RGS10: variants seen among roughly 807,000 people sequenced by gnomAD.
The protein encoded by RGS10 is regulator of G-protein signalling 10.
In RGS10, 11 loss-of-function variants were observed where a neutral mutation model predicts 23.5. The ratio of observed to expected loss-of-function variants is 0.47; its 90% CI spans 0.29 to 0.77. The LOEUF is 0.77. RGS10 is among the 30% of genes least tolerant of loss of function. The probability of loss-of-function intolerance (pLI) is 0.08; values close to 1 mark genes in which losing one functional copy is unlikely to be tolerated. For synonymous variants in RGS10, 77 were observed against 83.2 expected (o/e 0.92, Z 0.41); for missense variants, 180 against 226.3 (o/e 0.80, Z 1.31).
intron 3 of RGS10, among the ~76,000 whole-genome samples, chr10:119,518,359 G>A (rs1402670155): frequency 6.6e-6 from 1 of 152,176 alleles, no homozygotes; most frequent in African/African-American, 2.4e-5. Context: ...GACTGCCCAG[G>A]AAGCACCTGC....
intron 4 of RGS10, among the ~76,000 whole-genome samples, chr10:119,509,249 G>A (rs770484742): frequency 3.3e-5 from 5 of 151,958 alleles, no homozygotes; most frequent in South Asian, 2.1e-4. Flanking sequence ...AGCTAGGCAC[G>A]GAGAGGGAGC....
At chr10:119,530,967 C>T (rs1844324980) in intron 1 of RGS10, among the ~76,000 whole-genome samples, 1 of 152,200 alleles carries the variant, frequency 6.6e-6, no homozygotes, top group Non-Finnish European at 1.5e-5. Context: ...AAACACATCA[C>T]CAAATGGAGC....
chr10:119,514,288 C>CA (rs1379024125), intron 4 of RGS10, among the ~76,000 whole-genome samples: 1 of 151,946 alleles, frequency 6.6e-6, no homozygotes, highest in Admixed American at 6.6e-5. Flanking sequence ...ACTCAGGAGG[C>CA]AGAGGTGGCA....
chr10:119,516,816 C>A (rs902526897), intron 3 of RGS10, among the ~76,000 whole-genome samples: 7 of 152,200 alleles, frequency 4.6e-5, no homozygotes, highest in African/African-American at 1.7e-4. Flanking sequence ...GGCGCAGGAG[C>A]CCTCTCCTCC....
At chr10:119,539,177 C>T (rs910569922) in intron 1 of RGS10, among the ~76,000 whole-genome samples, 10 of 152,226 alleles carry the variant, frequency 6.6e-5, no homozygotes, top group Non-Finnish European at 1.5e-4. Flanking sequence ...CCTCTGTCCC[C>T]CCAGGCCTGG....
intron 4 of RGS10, among the ~76,000 whole-genome samples, chr10:119,502,530 G>C (rs1843964017): frequency 6.6e-6 from 1 of 152,136 alleles, no homozygotes; most frequent in African/African-American, 2.4e-5. Flanking sequence ...GCCTGTAGTG[G>C]CTCTGAGGCT....
chr10:119,511,222 G>T (rs1338923485), intron 4 of RGS10, among the ~76,000 whole-genome samples: 7 of 152,108 alleles, frequency 4.6e-5, no homozygotes, highest in African/African-American at 1.4e-4. Context: ...CCAAAGGGCT[G>T]GGCACACCAA....
At chr10:119,505,357 A>C (rs1324227845) in intron 4 of RGS10, among the ~76,000 whole-genome samples, 2 of 132,866 alleles carry the variant, frequency 1.5e-5, no homozygotes, top group African/African-American at 5.8e-5. Context: ...TGGCCAAGAC[A>C]GCTGCGGCTT....
chr10:119,542,462 G>A (rs1414783222), intron 1 of RGS10, 128 bp downstream of exon 1: 11 of 740,916 alleles, frequency 1.5e-5, no homozygotes, highest in Non-Finnish European at 1.9e-5. Context: ...GAGAGGTGGT[G>A]CGGTCGGCCG....
intron 4 of RGS10, among the ~76,000 whole-genome samples, chr10:119,502,392 C>T (rs1843961883): frequency 6.6e-6 from 1 of 152,188 alleles, no homozygotes; most frequent in South Asian, 2.1e-4. Context: ...CCACCTGGCA[C>T]CCAGCCTCAG....
intron 1 of RGS10, among the ~76,000 whole-genome samples, chr10:119,537,450 G>A (rs1844400198): frequency 6.6e-6 from 1 of 151,698 alleles, no homozygotes; most frequent in Non-Finnish European, 1.5e-5. Flanking sequence ...TCGAAACTTT[G>A]CAACAATCCT....
At chr10:119,523,684 T>C (rs910035614) in intron 3 of RGS10, among the ~76,000 whole-genome samples, 15 of 152,244 alleles carry the variant, frequency 9.9e-5, no homozygotes, top group African/African-American at 3.6e-4. Flanking sequence ...AAAGAAGTCC[T>C]ATGCTGGATG....
chr10:119,524,598 C>T lies in RGS10; in HGVS notation c.255+1434G>A, dbSNP rs1844252977. On this transcript the variant is annotated intron_variant, in intron 3 of 4. Coordinates refer to ENST00000369103, the MANE Select transcript of RGS10 (RefSeq NM_001005339.2). The surrounding 1 kb of genome is among the most constrained non-coding windows in gnomAD (Gnocchi z 5.2). ...CTGGAGACAAAGGACAACAATGAGGCTCTTGTTCTGAAGGCCCTCAGCCTG... is the reference window on the plus strand; with the variant it reads ...CTGGAGACAAAGGACAACAATGAGGTTCTTGTTCTGAAGGCCCTCAGCCTG... Among the ~76,000 whole-genome samples the T allele has an allele frequency of 6.6e-6, 1 of 152,132 alleles. No individual in the cohort carries two copies. The highest frequency in any genetic ancestry group is 6.5e-5 in the Admixed American group (1 of 15,270).
At chr10:119,535,460 T>G (rs932676889) in intron 1 of RGS10, among the ~76,000 whole-genome samples, 5 of 152,174 alleles carry the variant, frequency 3.3e-5, no homozygotes, top group African/African-American at 1.2e-4. Flanking sequence ...CAGCTTATTT[T>G]ATGATGCATT....
chr10:119,536,729 C>T (rs903566419), intron 1 of RGS10, among the ~76,000 whole-genome samples: 1 of 152,150 alleles, frequency 6.6e-6, no homozygotes, highest in Non-Finnish European at 1.5e-5. Flanking sequence ...TAGGCAAAGT[C>T]CAGAAAAAAG....
At chr10:119,528,997 G>A (rs953965480) in intron 1 of RGS10, among the ~76,000 whole-genome samples, 1 of 152,136 alleles carries the variant, frequency 6.6e-6, no homozygotes, top group African/African-American at 2.4e-5. Context: ...ACGACACTGA[G>A]AAGTCTCCTG....
chr10:119,520,945 A>G (rs1030721591), intron 3 of RGS10, among the ~76,000 whole-genome samples: 2 of 152,250 alleles, frequency 1.3e-5, no homozygotes, highest in African/African-American at 4.8e-5. Context: ...TGATGATAAC[A>G]ATAACAACAT....
chr10:119,508,438 CCTTT>C (rs2133946775), intron 4 of RGS10, among the ~76,000 whole-genome samples: 1 of 152,352 alleles, frequency 6.6e-6, no homozygotes, highest in Admixed American at 6.5e-5. Context: ...ATGATCTGGA[CCTTT>C]CTATCTTCAT....
chr10:119,541,990 CA>C (rs927936432), intron 1 of RGS10, among the ~76,000 whole-genome samples: 13 of 152,246 alleles, frequency 8.5e-5, no homozygotes, highest in African/African-American at 3.1e-4. Flanking sequence ...CAGGCTGGCC[CA>C]AAGTGACGGC....
Sources: allele counts gnomAD v4.1 joint callset (sites outside exome capture counted in the v4.1 genomes callset), GRCh38; gene constraint gnomAD v4.1.1; non-coding constraint Gnocchi (gnomAD v3.1); transcripts MANE v1.5; gene names NCBI Gene and HGNC (gene_info 2026-07-23, HGNC 2026-07-21).